The following ARID2 variants were observed in gnomAD, a reference collection of about 807,000 sequenced individuals.
ARID2 encodes AT-rich interactive domain-containing protein 2.
Under a neutral mutation model 184.6 loss-of-function variants are expected in ARID2, and 32 were observed. The observed-to-expected ratio is 0.17, with a 90% confidence interval of 0.13 to 0.23. The LOEUF (loss-of-function observed/expected upper bound fraction) is 0.23. Among genes scored for constraint, ARID2 ranks in the 10% least tolerant of loss-of-function variants. The pLI is 1.00. For synonymous variants in ARID2, 836 were observed against 772.6 expected (o/e 1.08, Z -1.36); for missense variants, 1,696 against 2,197.6 (o/e 0.77, Z 4.56).
Position 45,836,725 on chromosome 12 carries a change from G to T in ARID2, c.773-16G>T, listed in dbSNP as rs534652003. On this transcript the variant is annotated splice_polypyrimidine_tract_variant and intron_variant, in intron 7 of 20. Transcript: ENST00000334344. ...ATAAATGAAATATTAAGTGAAATAT[G>T]TATTTTCTATTGTAGAAGGTACATC... 16 of 1,602,234 alleles carry T rather than the reference G, an allele frequency of 1.0e-5. No homozygotes were observed. The East Asian group carries it at 2.5e-4, about 25-fold the overall frequency.
chr12:45,781,597 C>G (rs1472217277), intron 3 of ARID2, among the ~76,000 whole-genome samples: 1 of 151,410 alleles, frequency 6.6e-6, no homozygotes, highest in Non-Finnish European at 1.5e-5. Context: ...CTTGGAAGTA[C>G]TTTACTTGGA....
At position 45,852,565 on chromosome 12, in the gene ARID2, A is replaced by G. The variant is rs780297425; in HGVS notation, c.4442A>G (p.His1481Arg). 2 of 1,614,186 alleles carry G rather than the reference A, an allele frequency of 1.2e-6. No individual in the cohort carries two copies. The highest frequency in any genetic ancestry group is 8.5e-7 in the Non-Finnish European group (1 of 1,180,012). Residue 1481 changes from histidine to arginine, a missense_variant, in exon 15 of 21, where the codon CAT (histidine) becomes CGT (arginine). By Grantham distance (29) the His-to-Arg change is conservative. Transcript: ENST00000334344. ...PHSTTSVIQG[H>R]QIIAVPDSGS... is the part of the protein sequence containing the mutation. ...TCTACAACCTCTGTTATACAGGGAC[A>G]TCAAATCATAGCAGTTCCCGACTCA...
chr12:45,848,760 C>T (rs1004527022), intron 12 of ARID2, 76 bp from the exon 13 acceptor site: 58 of 1,294,202 alleles, frequency 4.5e-5, no homozygotes, highest in Non-Finnish European at 5.6e-5. Context: ...ACATTGCCTC[C>T]ACATGGCTTT....
chr12:45,806,696 C>T (rs950232558), intron 3 of ARID2, among the ~76,000 whole-genome samples: 9 of 151,972 alleles, frequency 5.9e-5, no homozygotes, highest in African/African-American at 1.2e-4. Flanking sequence ...GGAAGAGAAA[C>T]TTTATTATTT....
At chr12:45,775,034 G>C (rs994947723) in intron 3 of ARID2, among the ~76,000 whole-genome samples, 2 of 152,072 alleles carry the variant, frequency 1.3e-5, no homozygotes, top group African/African-American at 4.8e-5. Flanking sequence ...ATAATGCTCA[G>C]GATGGTCCCC....
intron 6 of ARID2, among the ~76,000 whole-genome samples, chr12:45,834,871 G>T (rs1318096202): frequency 6.6e-6 from 1 of 151,776 alleles, no homozygotes; most frequent in African/African-American, 2.4e-5. Context: ...ATCTTTCTTG[G>T]AGTTTGTAGT....
chr12:45,900,783 T>G (rs1357547773), intron 20 of ARID2, among the ~76,000 whole-genome samples: 2 of 152,232 alleles, frequency 1.3e-5, no homozygotes, highest in African/African-American at 4.8e-5. Flanking sequence ...CATAACATTC[T>G]AGATTGAAAA....
At chr12:45,736,412 A>G (rs1432971751) in intron 3 of ARID2, among the ~76,000 whole-genome samples, 1 of 152,144 alleles carries the variant, frequency 6.6e-6, no homozygotes, top group Non-Finnish European at 1.5e-5. Context: ...AAACTGAATG[A>G]AATTAGAAGT....
chr12:45,761,807 G>A (rs555558608), intron 3 of ARID2, among the ~76,000 whole-genome samples: 361 of 150,382 alleles, frequency 2.4e-3, no homozygotes, highest in Admixed American at 4.4e-3. Context: ...ATTCTTCTTC[G>A]TTTATTTTCT....
At chr12:45,802,087 G>A (rs973798334) in intron 3 of ARID2, among the ~76,000 whole-genome samples, 24 of 122,324 alleles carry the variant, frequency 2.0e-4, no homozygotes, top group African/African-American at 4.9e-4. Context: ...CCCCCGAGAC[G>A]ACAGGGTCTC....
rs1294664087 is a variant in ARID2 at position 45,801,166 on chromosome 12, GCCA to G, written c.285-10250_285-10248del. ...TCTCTACTAAAAATACAAAAAATTA[GCCA>G]CGCGCGGTGGTAGGCGCCCGTAGTC... On this transcript the variant is annotated intron_variant, in intron 3 of 20. Coordinates refer to ENST00000334344, the MANE Select transcript of ARID2 (RefSeq NM_152641.4). Among the ~76,000 whole-genome samples the G allele has an allele frequency of 1.7e-4, 26 of 152,144 alleles. No homozygotes were observed. The East Asian group carries it at 4.6e-3, about 27-fold the overall frequency.
At chr12:45,783,769 A>C (rs749048827) in intron 3 of ARID2, among the ~76,000 whole-genome samples, 2 of 152,238 alleles carry the variant, frequency 1.3e-5, no homozygotes, top group Non-Finnish European at 2.9e-5. Flanking sequence ...AGTTAGTACC[A>C]GTCTGTTGAA....
rs1380926690 is a variant in ARID2 at position 45,828,849 on chromosome 12, A to G, written c.705+7362A>G. ...ATTTTGGATAAAATTTCTTTTTAAGATGTTGGAAATATTTTCTCTCTAGCT... is the reference window on the plus strand; with the variant it reads ...ATTTTGGATAAAATTTCTTTTTAAGGTGTTGGAAATATTTTCTCTCTAGCT... On this transcript the variant is annotated intron_variant, in intron 6 of 20. Coordinates refer to ENST00000334344, the MANE Select transcript of ARID2 (RefSeq NM_152641.4). Among the ~76,000 whole-genome samples the G allele has an allele frequency of 2.6e-5, 4 of 151,948 alleles. 1 individual carries two copies. In the South Asian group the frequency reaches 6.2e-4, roughly 24 times the overall value.
intron 20 of ARID2, among the ~76,000 whole-genome samples, chr12:45,899,197 G>T (rs760992867): frequency 1.5e-5 from 2 of 134,984 alleles, no homozygotes; most frequent in Admixed American, 1.6e-4. Flanking sequence ...ATTTGAACCC[G>T]TAAGGCGGAG....
chr12:45,804,471 AGTGTGTGCGTGTGTGTGCGTGTGT>A (rs1942562634), intron 3 of ARID2, among the ~76,000 whole-genome samples: 1 of 150,734 alleles, frequency 6.6e-6, no homozygotes, highest in Non-Finnish European at 1.5e-5. Context: ...TAGTTTTTCT[AGTGTGTGCGTGTGTGTGCGTGTGT>A]GTGTGTGTGT....
chr12:45,814,133 G>A (rs1717370711), intron 4 of ARID2, among the ~76,000 whole-genome samples: 2 of 152,072 alleles, frequency 1.3e-5, no homozygotes, highest in Non-Finnish European at 2.9e-5. Flanking sequence ...CTATATTTGA[G>A]TAAAGATTTT....
At position 45,906,333 on chromosome 12, in the gene ARID2, T is replaced by G; in HGVS notation, c.*1255T>G. On this transcript the variant is annotated 3_prime_UTR_variant, in exon 21 of 21. Coordinates refer to ENST00000334344, the MANE Select transcript of ARID2 (RefSeq NM_152641.4). ...AACTGCTCACTTCCTTAAATTGTCT[T>G]TTTTCCCCCAGCGTGAAATGTATCC... is the stretch of plus-strand genomic sequence containing the variant. The G allele has an allele frequency of 4.3e-6, 1 of 233,220 alleles. No individual in the cohort carries two copies. The highest frequency in any genetic ancestry group is 8.5e-6 in the Non-Finnish European group (1 of 117,792). The allele number at this position is 233,220 out of a possible 1,614,324, so 14.4% of individuals were successfully genotyped here. A position where few individuals can be genotyped will look rare whatever the true frequency, so the allele number is the denominator to read the frequency against.
At chr12:45,787,240 C>T (rs1161728776) in intron 3 of ARID2, among the ~76,000 whole-genome samples, 1 of 144,244 alleles carries the variant, frequency 6.9e-6, no homozygotes, top group Non-Finnish European at 1.5e-5. Context: ...TTTTTAAAGA[C>T]AGGGTCTCCC....
intron 11 of ARID2, among the ~76,000 whole-genome samples, chr12:45,845,160 A>C (rs944269293): frequency 6.6e-6 from 1 of 152,120 alleles, no homozygotes; most frequent in Non-Finnish European, 1.5e-5. Context: ...CATGATTTCA[A>C]CGTAATTTCT....
Sources: allele counts gnomAD v4.1 joint callset (sites outside exome capture counted in the v4.1 genomes callset), GRCh38; gene constraint gnomAD v4.1.1; transcripts MANE v1.5; gene names NCBI Gene and HGNC (gene_info 2026-07-23, HGNC 2026-07-21).